The following SLC24A2 variants were observed in gnomAD, a reference collection of about 807,000 sequenced individuals.
SLC24A2 encodes solute carrier family 24 member 2.
SLC24A2 carries 36 observed loss-of-function variants against 62.0 expected under a neutral mutation model. The ratio of observed to expected loss-of-function variants is 0.58; its 90% CI spans 0.44 to 0.77. SLC24A2 has a LOEUF of 0.77. Ranked by LOEUF, SLC24A2 falls within the 30% of genes least tolerant of loss-of-function variation. SLC24A2 has a pLI of 0.00. For synonymous variants in SLC24A2, 358 were observed against 294.0 expected, an observed-to-expected ratio of 1.22 and a Z score of -2.23; for missense variants, 846 against 817.9, an observed-to-expected ratio of 1.03 and a Z score of -0.42.
rs114126358 is a variant in SLC24A2 at position 19,703,011 on chromosome 9, C to G, written c.931-80712G>C. Among the ~76,000 whole-genome samples, 900 of 152,122 alleles carry G rather than the reference C, an allele frequency of 5.9e-3. 8 individuals carry two copies. The highest frequency in any genetic ancestry group is 0.02 in the African/African-American group (848 of 41,494). Reference sequence around the variant, plus strand: ...GCAATGAAAACAAAACAATATTGTTCAGTTCCTTTCTATACTGTTGTTGGG... The same window carrying G: ...GCAATGAAAACAAAACAATATTGTTGAGTTCCTTTCTATACTGTTGTTGGG... On this transcript the variant is annotated intron_variant, in intron 2 of 10. Coordinates refer to ENST00000341998, the MANE Select transcript of SLC24A2 (RefSeq NM_020344.4).
intron 2 of SLC24A2, among the ~76,000 whole-genome samples, chr9:19,701,532 G>T (rs765976814): frequency 6.6e-6 from 1 of 152,128 alleles, no homozygotes; most frequent in African/African-American, 2.4e-5. Flanking sequence ...AAACTAAAGA[G>T]GCCTAAGGAA....
intron 2 of SLC24A2, among the ~76,000 whole-genome samples, chr9:19,764,114 T>C (rs1314979688): frequency 6.6e-6 from 1 of 152,242 alleles, no homozygotes; most frequent in Non-Finnish European, 1.5e-5. Flanking sequence ...GTGTTTATAG[T>C]ATTCTTGGAT....
the SLC24A2 span, among the ~76,000 whole-genome samples, chr9:19,981,597 A>T: frequency 6.6e-6 from 1 of 152,170 alleles, no homozygotes; most frequent in Non-Finnish European, 1.5e-5. Context: ...CATAACAAAC[A>T]ATTCCCACAT....
At chr9:20,069,491 G>A in the SLC24A2 span, among the ~76,000 whole-genome samples, 1 of 152,116 alleles carries the variant, frequency 6.6e-6, no homozygotes. Flanking sequence ...TTGTCCTAAA[G>A]CAAATACTTG....
intron 2 of SLC24A2, among the ~76,000 whole-genome samples, chr9:19,671,250 A>G (rs886474354): frequency 6.6e-6 from 1 of 151,888 alleles, no homozygotes. Flanking sequence ...TTTTCCTTGT[A>G]GAAGTCTTTT....
At chr9:19,528,744 T>C (rs557246407) in intron 8 of SLC24A2, among the ~76,000 whole-genome samples, 1 of 152,150 alleles carries the variant, frequency 6.6e-6, no homozygotes, top group Non-Finnish European at 1.5e-5. Flanking sequence ...TCCAGGACAC[T>C]GGAACCACCC....
At chr9:19,735,513 A>G (rs967052983) in intron 2 of SLC24A2, among the ~76,000 whole-genome samples, 7 of 152,266 alleles carry the variant, frequency 4.6e-5, no homozygotes, top group Admixed American at 4.6e-4. Flanking sequence ...CTGGGTATAT[A>G]CCCAAAGGAT....
chr9:20,129,651 T>C, the SLC24A2 span, among the ~76,000 whole-genome samples: 1 of 152,000 alleles, frequency 6.6e-6, no homozygotes, highest in African/African-American at 2.4e-5. Context: ...CTTGAAAAGA[T>C]GCTAAGCAAA....
chr9:19,898,635 G>A, the SLC24A2 span, among the ~76,000 whole-genome samples: 6 of 151,394 alleles, frequency 4.0e-5, no homozygotes, highest in South Asian at 2.1e-4. Context: ...CCAGCTACTC[G>A]GGAGGCTAAG....
the SLC24A2 span, among the ~76,000 whole-genome samples, chr9:20,153,187 G>A: frequency 6.6e-6 from 1 of 151,872 alleles, no homozygotes; most frequent in Non-Finnish European, 1.5e-5. Context: ...TCTGCAAAGG[G>A]TTCAGAAGGA....
chr9:20,110,999 A>G, the SLC24A2 span, among the ~76,000 whole-genome samples: 1 of 152,210 alleles, frequency 6.6e-6, no homozygotes, highest in African/African-American at 2.4e-5. Context: ...ATACTTGATC[A>G]TAAGGTGAAA....
At chr9:20,074,607 A>AAGGAAGGAAGGAAGGG in the SLC24A2 span, among the ~76,000 whole-genome samples, 4 of 69,174 alleles carry the variant, frequency 5.8e-5, no homozygotes, top group South Asian at 6.3e-4. Context: ...GGAAGGAAAG[A>AAGGAAGGAAGGAAGGG]AGGGAGTGAG....
chr9:19,609,820 T>G (rs996103579), intron 4 of SLC24A2, among the ~76,000 whole-genome samples: 1 of 152,180 alleles, frequency 6.6e-6, no homozygotes, highest in Non-Finnish European at 1.5e-5. Flanking sequence ...AGGATGAAAC[T>G]GTTCCACTTC....
At chr9:20,293,455 C>G in the SLC24A2 span, among the ~76,000 whole-genome samples, 1 of 152,128 alleles carries the variant, frequency 6.6e-6, no homozygotes, top group African/African-American at 2.4e-5. Context: ...TATGACTGGT[C>G]CTTGGGGTCA....
chr9:20,019,737 A>G, the SLC24A2 span, among the ~76,000 whole-genome samples: 9 of 152,296 alleles, frequency 5.9e-5, no homozygotes, highest in Admixed American at 4.6e-4. Context: ...TAATTAAACT[A>G]AAGAGCTTCT....
chr9:20,105,454 C>G, the SLC24A2 span, among the ~76,000 whole-genome samples: 2 of 151,698 alleles, frequency 1.3e-5, no homozygotes, highest in African/African-American at 4.8e-5. Flanking sequence ...GGAAGTAAAG[C>G]TCTCCTCAGC....
At chr9:19,790,559 A>G (rs367761117), upstream of SLC24A2, among the ~76,000 whole-genome samples, 7 of 151,098 alleles carry the variant, frequency 4.6e-5, no homozygotes, top group South Asian at 1.5e-3. Flanking sequence ...GATAATCGCA[A>G]TTGTTTAAAA....
the SLC24A2 span, among the ~76,000 whole-genome samples, chr9:20,172,185 C>T: frequency 6.6e-6 from 1 of 151,780 alleles, no homozygotes; most frequent in Non-Finnish European, 1.5e-5. Context: ...GTGACAAAAC[C>T]TCTGGGATAT....
At chr9:19,928,453 T>A in the SLC24A2 span, 9 of 152,342 alleles carry the variant, frequency 5.9e-5, no homozygotes, top group African/African-American at 2.2e-4. Context: ...CAGCTCATAC[T>A]CTTCATAGCT....
Sources: allele counts gnomAD v4.1 joint callset (sites outside exome capture counted in the v4.1 genomes callset), GRCh38; gene constraint gnomAD v4.1.1; transcripts MANE v1.5; gene names NCBI Gene and HGNC (gene_info 2026-07-23, HGNC 2026-07-21).